Variants in LDLRAD4 observed in about 807,000 individuals in gnomAD.
The protein encoded by LDLRAD4 is low-density lipoprotein receptor class A domain-containing protein 4.
A neutral mutation model predicts 17.0 loss-of-function variants in LDLRAD4; 5 were observed. The ratio of observed to expected loss-of-function variants is 0.29; its 90% CI spans 0.15 to 0.62. The LOEUF is 0.62. Ranked by LOEUF, LDLRAD4 falls within the 20% of genes least tolerant of loss-of-function variation. The pLI is 0.84. For missense variants in LDLRAD4, 340 were observed against 424.7 expected (o/e 0.80, Z 1.75); for synonymous variants, 168 against 171.8 (o/e 0.98, Z 0.17).
intron 4 of LDLRAD4, among the ~76,000 whole-genome samples, chr18:13,632,762 G>C (rs1269352244): frequency 6.6e-6 from 1 of 152,250 alleles, no homozygotes; most frequent in African/African-American, 2.4e-5. Context: ...AGAAGAATGA[G>C]GTACATGGAC....
intron 3 of LDLRAD4, among the ~76,000 whole-genome samples, chr18:13,454,109 GCTGT>G (rs963349348): frequency 3.9e-4 from 59 of 152,346 alleles, no homozygotes; most frequent in African/African-American, 1.4e-3. Context: ...TATAAGGTGT[GCTGT>G]CTTTCTGGCT....
intron 1 of LDLRAD4, among the ~76,000 whole-genome samples, chr18:13,311,469 TG>T (rs2146735744): frequency 6.6e-6 from 1 of 152,352 alleles, no homozygotes; most frequent in South Asian, 2.1e-4. Flanking sequence ...TTTCCAGCCG[TG>T]GGTGACACTG....
At chr18:13,366,591 C>T (rs921432563) in intron 1 of LDLRAD4, among the ~76,000 whole-genome samples, 24 of 152,206 alleles carry the variant, frequency 1.6e-4, no homozygotes, top group African/African-American at 5.5e-4. Flanking sequence ...ACTGAAACTT[C>T]AGCAGAAAAA....
At chr18:13,469,826 A>G (rs2092719425) in intron 3 of LDLRAD4, among the ~76,000 whole-genome samples, 2 of 152,232 alleles carry the variant, frequency 1.3e-5, no homozygotes, top group South Asian at 4.1e-4. Context: ...TGCAAATGTT[A>G]GTAACACCAC....
At chr18:13,509,107 A>G (rs1439061618) in intron 3 of LDLRAD4, among the ~76,000 whole-genome samples, 5 of 152,218 alleles carry the variant, frequency 3.3e-5, no homozygotes, top group African/African-American at 9.7e-5. Flanking sequence ...GTTCAAGACT[A>G]GCCTTTGGCA....
chr18:13,267,716 C>T (rs932396829), intron 1 of LDLRAD4, among the ~76,000 whole-genome samples: 6 of 152,310 alleles, frequency 3.9e-5, no homozygotes, highest in African/African-American at 1.2e-4. Flanking sequence ...GCTGGGGCCC[C>T]GCATTCTGGC....
At position 13,641,699 on chromosome 18, in the gene LDLRAD4, CGGGGCCGCCAGTCGGCGT is replaced by C. The variant is rs1015989686; in HGVS notation, c.337-1655_337-1638del. On this transcript the variant is annotated intron_variant, in intron 4 of 5. Transcript: ENST00000359446. ...TCTGGCGGTTTCCTGTCCGGGCTGG[CGGGGCCGCCAGTCGGCGT>C]GGGGTGCGGCAAGGGGAGCGGGGCG... 2.7e-4 allele frequency: 262 copies of C among 962,808 alleles called. No individual in the cohort carries two copies. The African/African-American group carries it at 4.5e-3, about 17-fold the overall frequency. 59.6% of individuals were successfully genotyped at this position (962,808 alleles called of 1,614,324 possible).
chr18:13,506,993 T>C (rs887896834), intron 3 of LDLRAD4, among the ~76,000 whole-genome samples: 3 of 152,234 alleles, frequency 2.0e-5, no homozygotes, highest in Non-Finnish European at 4.4e-5. Context: ...AAGTTGAAAG[T>C]GTATGGCAAC....
intron 1 of LDLRAD4, among the ~76,000 whole-genome samples, chr18:13,382,200 G>A (rs888526710): frequency 3.3e-5 from 5 of 152,246 alleles, no homozygotes; most frequent in Non-Finnish European, 7.3e-5. Context: ...AAAAAAGGCT[G>A]TTTCACTTCT....
At chr18:13,366,171 T>G (rs958624011) in intron 1 of LDLRAD4, 3 of 152,206 alleles carry the variant, frequency 2.0e-5, no homozygotes, top group Non-Finnish European at 4.4e-5. Flanking sequence ...CCTCCTGGGC[T>G]CAAATGATCC....
At chr18:13,331,475 T>C (rs997820671) in intron 1 of LDLRAD4, among the ~76,000 whole-genome samples, 2 of 152,228 alleles carry the variant, frequency 1.3e-5, no homozygotes, top group African/African-American at 4.8e-5. Context: ...CTCCAGTTTC[T>C]TTCTGTAACT....
chr18:13,298,993 TA>T (rs1723866386), intron 1 of LDLRAD4, among the ~76,000 whole-genome samples: 1 of 152,210 alleles, frequency 6.6e-6, no homozygotes, highest in Non-Finnish European at 1.5e-5. Context: ...GTGCTTAACT[TA>T]GAGTCATGAT....
At chr18:13,517,918 T>A (rs574204985) in intron 3 of LDLRAD4, among the ~76,000 whole-genome samples, 62 of 152,132 alleles carry the variant, frequency 4.1e-4, no homozygotes, top group Non-Finnish European at 5.9e-4. Flanking sequence ...TTTTATATTT[T>A]TGGTAGAGAT....
intron 3 of LDLRAD4, among the ~76,000 whole-genome samples, chr18:13,619,429 A>AGTC (rs2040385546): frequency 6.8e-6 from 1 of 146,272 alleles, no homozygotes; most frequent in Non-Finnish European, 1.5e-5. Flanking sequence ...GAGCAATTTC[A>AGTC]GTCTTTTCCA....
At chr18:13,642,253 C>G in intron 4 of LDLRAD4, 1 of 987,234 alleles carries the variant, frequency 1.0e-6, no homozygotes, top group South Asian at 4.7e-5. Context: ...CCGTCGGAGG[C>G]TCAGTGATGG....
chr18:13,500,464 A>G (rs1197285894), intron 3 of LDLRAD4, among the ~76,000 whole-genome samples: 1 of 152,194 alleles, frequency 6.6e-6, no homozygotes, highest in Non-Finnish European at 1.5e-5. Context: ...CTTTGGCATC[A>G]TGCTTTCCCG....
intron 2 of LDLRAD4, among the ~76,000 whole-genome samples, chr18:13,397,586 G>A (rs74976769): frequency 0.017 from 2,573 of 152,250 alleles, 81 homozygotes; most frequent in African/African-American, 0.059. Context: ...TGACTTCTTA[G>A]GAAAATCATC....
At chr18:13,620,640 C>T (rs2040538748) in intron 3 of LDLRAD4, among the ~76,000 whole-genome samples, 1 of 152,176 alleles carries the variant, frequency 6.6e-6, no homozygotes, top group Admixed American at 6.5e-5. Context: ...CCAGGGGAGA[C>T]CTGACCACTC....
At chr18:13,387,489 C>T (rs994010570) in exon 2 of LDLRAD4, 17 of 470,560 alleles carry the variant, frequency 3.6e-5, no homozygotes, top group Non-Finnish European at 6.1e-5. Flanking sequence ...CCATGGCCTC[C>T]GCGCCCTGGC....
Sources: gnomAD v4.1 joint callset for allele counts (sites outside exome capture counted in the v4.1 genomes callset) on GRCh38, gnomAD v4.1.1 for gene constraint, MANE v1.5 for transcripts, NCBI Gene and HGNC (gene_info 2026-07-23, HGNC 2026-07-21) for gene names.